The following PRMT3 variants were observed in gnomAD, a reference collection of about 807,000 sequenced individuals.
The protein encoded by PRMT3 is protein arginine N-methyltransferase 3.
A neutral mutation model predicts 71.9 loss-of-function variants in PRMT3; 62 were observed. That is an observed-to-expected ratio of 0.86 (90% CI 0.70 to 1.07). PRMT3 has a LOEUF of 1.07. PRMT3 is among the 50% of genes least tolerant of loss of function. The pLI, the probability that PRMT3 is intolerant of heterozygous loss-of-function variation, is 0.00. For synonymous variants in PRMT3, 213 were observed against 220.4 expected, an observed-to-expected ratio of 0.97 and a Z score of 0.30; for missense variants, 663 against 643.0, an observed-to-expected ratio of 1.03 and a Z score of -0.34.
chr11:20,419,182 T>C (rs1250285148), intron 9 of PRMT3, among the ~76,000 whole-genome samples: 1 of 152,218 alleles, frequency 6.6e-6, no homozygotes, highest in African/African-American at 2.4e-5. Flanking sequence ...TATCCACCAT[T>C]AAAAAATGTT....
intron 10 of PRMT3, among the ~76,000 whole-genome samples, chr11:20,443,737 T>C (rs1349171110): frequency 6.6e-6 from 1 of 152,214 alleles, no homozygotes; most frequent in Non-Finnish European, 1.5e-5. Context: ...GACTTGCTTA[T>C]TGGGCGGTTT....
intron 8 of PRMT3, among the ~76,000 whole-genome samples, chr11:20,404,209 T>C (rs1194623187): frequency 1.0e-4 from 4 of 39,870 alleles, no homozygotes; most frequent in South Asian, 3.4e-3. Flanking sequence ...AGACTTTTCA[T>C]AGTTTTTTTT....
At chr11:20,457,239 C>G (rs1850285670) in intron 11 of PRMT3, among the ~76,000 whole-genome samples, 1 of 152,164 alleles carries the variant, frequency 6.6e-6, no homozygotes, top group African/African-American at 2.4e-5. Context: ...TTTATCTCCA[C>G]TCTTTTCAAC....
chr11:20,469,038 A>C lies in PRMT3; in HGVS notation c.1347+4492A>C, dbSNP rs558250994. ...TATAATGATTGAAGGATAATTTTTC[A>C]ATGAGTACTGGTACCACATAGCAGT... On this transcript the variant is annotated intron_variant, in intron 13 of 15. Transcript: ENST00000331079. 9.8e-5 allele frequency among the ~76,000 whole-genome samples: 15 copies of C among 152,320 alleles called. No homozygotes were observed. In the South Asian group the frequency reaches 2.5e-3, roughly 25 times the overall value.
intron 13 of PRMT3, among the ~76,000 whole-genome samples, chr11:20,471,521 A>G (rs533667819): frequency 9.2e-5 from 14 of 152,104 alleles, no homozygotes; most frequent in African/African-American, 2.6e-4. Context: ...CAGTTGATTG[A>G]AGGTGTGAAG....
intron 15 of PRMT3, among the ~76,000 whole-genome samples, chr11:20,497,935 T>C (rs922045674): frequency 6.6e-6 from 1 of 152,120 alleles, no homozygotes; most frequent in Non-Finnish European, 1.5e-5. Flanking sequence ...AAATGTCTGA[T>C]AGGAACAGAC....
intron 9 of PRMT3, among the ~76,000 whole-genome samples, chr11:20,425,166 C>T (rs1472920055): frequency 6.6e-6 from 1 of 150,710 alleles, no homozygotes; most frequent in African/African-American, 2.4e-5. Context: ...GCAAAAGATT[C>T]GAACGAAAGA....
intron 7 of PRMT3, among the ~76,000 whole-genome samples, chr11:20,402,266 T>A (rs1377640963): frequency 6.6e-6 from 1 of 151,948 alleles, no homozygotes; most frequent in Non-Finnish European, 1.5e-5. Flanking sequence ...ATTACAGGCA[T>A]GCGCCACCAC....
intron 9 of PRMT3, among the ~76,000 whole-genome samples, chr11:20,417,463 T>G (rs1473689145): frequency 6.6e-6 from 1 of 152,214 alleles, no homozygotes; most frequent in South Asian, 2.1e-4. Flanking sequence ...GTGTTCATTG[T>G]ATGAACTCAC....
Position 20,504,684 on chromosome 11 carries a change from TTGTATGTG to T in PRMT3, c.1487-3616_1487-3609del, listed in dbSNP as rs1273309672. Among the ~76,000 whole-genome samples the T allele has an allele frequency of 9.1e-5, 11 of 121,114 alleles. No individual in the cohort carries two copies. In the South Asian group the frequency reaches 3.0e-3, roughly 33 times the overall value. The allele number at this position is 121,114 out of a possible 152,430, so 79.5% of individuals were successfully genotyped here. ...TATATTGTTACATTTATCTCAAGTA[TTGTATGTG>T]TGTGTGTGTGTGTGTGAGAGAGAGA... is the stretch of plus-strand genomic sequence containing the variant. On this transcript the variant is annotated intron_variant, in intron 15 of 15. Coordinates refer to ENST00000331079, the MANE Select transcript of PRMT3 (RefSeq NM_005788.4).
chr11:20,475,428 A>G (rs1417813162), intron 13 of PRMT3, among the ~76,000 whole-genome samples: 1 of 152,078 alleles, frequency 6.6e-6, no homozygotes, highest in Non-Finnish European at 1.5e-5. Context: ...TGCCGCTTTC[A>G]TTCTTCTCTG....
At position 20,387,735 on chromosome 11, in the gene PRMT3, G is replaced by A; in HGVS notation, c.-12G>A. On this transcript the variant is annotated 5_prime_UTR_variant, in exon 1 of 16. Transcript: ENST00000331079. This position sits in a 1 kb window ranked among gnomAD's most constrained non-coding sequence, Gnocchi z 4.3. ...GCCCCCAGACACGCCGGGCTCTCGG[G>A]GCACCACAGCCATGTGCTCGTTAGC... 2 of 1,534,444 alleles carry A rather than the reference G, an allele frequency of 1.3e-6. No homozygotes were observed. The highest frequency in any genetic ancestry group is 1.7e-6 in the Non-Finnish European group (2 of 1,143,502).
At chr11:20,395,403 G>T (rs547309372) in intron 5 of PRMT3, among the ~76,000 whole-genome samples, 2 of 152,114 alleles carry the variant, frequency 1.3e-5, no homozygotes, top group African/African-American at 2.4e-5. Context: ...GAGTACAGTG[G>T]TGCGATCACA....
intron 7 of PRMT3, 147 bp from the exon 8 acceptor site, chr11:20,402,772 T>C: frequency 1.7e-6 from 1 of 584,080 alleles, no homozygotes; most frequent in Non-Finnish European, 3.0e-6. Context: ...TTTATTGTTT[T>C]CTTAGGAAAA....
chr11:20,496,731 C>A (rs1475058628), intron 15 of PRMT3, among the ~76,000 whole-genome samples: 2 of 152,114 alleles, frequency 1.3e-5, no homozygotes, highest in African/African-American at 2.4e-5. Context: ...CTCTATATTA[C>A]AGTTACCAGG....
chr11:20,398,538 C>T (rs1019329383), intron 7 of PRMT3, among the ~76,000 whole-genome samples: 5 of 152,102 alleles, frequency 3.3e-5, no homozygotes, highest in Admixed American at 6.6e-5. Flanking sequence ...CTGCAAGCTC[C>T]GCCTCTCAGG....
intron 5 of PRMT3, chr11:20,393,676 C>T (rs1338937993): frequency 1.3e-5 from 2 of 152,078 alleles, no homozygotes; most frequent in Middle Eastern, 3.2e-3. Flanking sequence ...AGTTAGGAAT[C>T]TTAATATTTA....
chr11:20,405,991 A>C (rs746075360), intron 8 of PRMT3: 18 of 152,304 alleles, frequency 1.2e-4, no homozygotes, highest in Non-Finnish European at 2.2e-4. Context: ...GCCCCTGGAA[A>C]TCACTGTTCT....
At chr11:20,483,128 A>G (rs568347554) in intron 13 of PRMT3, among the ~76,000 whole-genome samples, 4 of 152,168 alleles carry the variant, frequency 2.6e-5, no homozygotes, top group South Asian at 4.1e-4. Flanking sequence ...AATTTATACT[A>G]TTGAAGGGTT....
Sources: gnomAD v4.1 joint callset for allele counts (sites outside exome capture counted in the v4.1 genomes callset) on GRCh38, gnomAD v4.1.1 for gene constraint, Gnocchi (gnomAD v3.1) non-coding constraint, MANE v1.5 for transcripts, NCBI Gene and HGNC (gene_info 2026-07-23, HGNC 2026-07-21) for gene names.